FOXN3: variants seen among roughly 807,000 people sequenced by gnomAD.
The protein encoded by FOXN3 is forkhead box protein N3.
Under a neutral mutation model 38.4 loss-of-function variants are expected in FOXN3, and 7 were observed. The observed-to-expected ratio is 0.18, with a 90% CI of 0.10 to 0.34. The LOEUF (loss-of-function observed/expected upper bound fraction) is 0.34. Among genes scored for constraint, FOXN3 ranks in the 10% least tolerant of loss-of-function variants. The pLI is 1.00. For synonymous variants in FOXN3, 230 were observed against 242.2 expected, an observed-to-expected ratio of 0.95 and a Z score of 0.47; for missense variants, 456 against 613.4, an observed-to-expected ratio of 0.74 and a Z score of 2.71.
At position 89,535,472 on chromosome 14, in the gene FOXN3, T is replaced by C. The variant is rs188314143; in HGVS notation, c.-15+83556A>G. Among the ~76,000 whole-genome samples, 855 of 152,340 alleles carry C rather than the reference T, an allele frequency of 5.6e-3. 8 individuals carry two copies. Among genetic ancestry groups the C allele is most frequent in the Middle Eastern group, 0.014 (4 of 294 alleles). On this transcript the variant is annotated intron_variant, in intron 1 of 6. Coordinates refer to the FOXN3 transcript ENST00000345097. ...TCCTGAATCTTCAAGCAGTAATACT[T>C]AAAAGACACCCATTCATGGTTAGCA...
rs1277568732 is a variant in FOXN3 at position 89,399,437 on chromosome 14, C to T, written c.543+12497G>A. Among the ~76,000 whole-genome samples, 7 of 152,168 alleles carry T rather than the reference C, an allele frequency of 4.6e-5. 1 individual carries two copies. Among genetic ancestry groups the T allele is most frequent in the East Asian group, 3.9e-4 (2 of 5,188 alleles). On this transcript the variant is annotated intron_variant, in intron 2 of 5. Transcript: ENST00000557258. ...GAACAGAGGAGGCACTTCCAATGGC[C>T]GTGGACCTGAGATATGCTTTGTTGC...
intron 1 of FOXN3, among the ~76,000 whole-genome samples, chr14:89,509,130 G>A (rs775840023): frequency 2.6e-5 from 4 of 151,740 alleles, no homozygotes; most frequent in Admixed American, 6.6e-5. Flanking sequence ...TCTTGGAGTG[G>A]ACCAGGTCCC....
At chr14:89,452,858 A>G (rs1048318423) in intron 1 of FOXN3, among the ~76,000 whole-genome samples, 1 of 152,180 alleles carries the variant, frequency 6.6e-6, no homozygotes, top group Non-Finnish European at 1.5e-5. Context: ...AACCACCACA[A>G]CTTAAACTCC....
chr14:89,311,155 T>TA (rs199518180), intron 3 of FOXN3, among the ~76,000 whole-genome samples: 2,178 of 148,382 alleles, frequency 0.015, 57 homozygotes, highest in African/African-American at 0.051. Flanking sequence ...TTATATCTTT[T>TA]AAAAAAAAGA....
chr14:89,418,756 CCT>C (rs141061110), upstream of FOXN3, among the ~76,000 whole-genome samples: 22,087 of 152,074 alleles, frequency 0.15, 1,697 homozygotes, highest in South Asian at 0.28. Flanking sequence ...CAATGTGTAC[CCT>C]GCTTTCCTGT....
In FOXN3 at chr14:89,248,720, C is replaced by T. The variant is rs565967105; in HGVS notation, c.745+32230G>A. On this transcript the variant is annotated intron_variant, in intron 4 of 5. Transcript: ENST00000557258. ...ATAGGAATAAAATTAGAACTTCCTC[C>T]GCTATAGACATGATTTTGATTTGAA... is the stretch of plus-strand genomic sequence containing the variant. Among the ~76,000 whole-genome samples the T allele has an allele frequency of 1.0e-3, 157 of 152,282 alleles. 1 individual carries two copies. The highest frequency in any genetic ancestry group is 2.3e-3 in the African/African-American group (97 of 41,548).
chr14:89,461,846 C>A (rs948060802), intron 1 of FOXN3, among the ~76,000 whole-genome samples: 2 of 151,942 alleles, frequency 1.3e-5, no homozygotes, highest in African/African-American at 4.8e-5. Context: ...ACTTGAGGGC[C>A]AAAATGAAAG....
intron 1 of FOXN3, among the ~76,000 whole-genome samples, chr14:89,501,482 TA>T (rs1371839044): frequency 1.3e-5 from 2 of 152,090 alleles, no homozygotes; most frequent in Non-Finnish European, 2.9e-5. Flanking sequence ...TAGTCATAAG[TA>T]GCTCACAACC....
chr14:89,288,501 A>G (rs1477782967), intron 3 of FOXN3, among the ~76,000 whole-genome samples: 1 of 151,508 alleles, frequency 6.6e-6, no homozygotes, highest in African/African-American at 2.4e-5. Context: ...ACTTTATTTC[A>G]GAATAAGTTT....
intron 3 of FOXN3, among the ~76,000 whole-genome samples, chr14:89,348,053 T>A (rs889614239): frequency 1.3e-5 from 2 of 152,100 alleles, no homozygotes; most frequent in Non-Finnish European, 2.9e-5. Context: ...CTCTCAAATG[T>A]CTCGCTTTTC....
chr14:89,506,112 AGGTG>A (rs1566678945), intron 1 of FOXN3, among the ~76,000 whole-genome samples: 1 of 131,586 alleles, frequency 7.6e-6, no homozygotes, highest in Non-Finnish European at 1.6e-5. Flanking sequence ...CCCGTCCGGG[AGGTG>A]AGGGGCGCCT....
chr14:89,401,309 G>A (rs1891238108), intron 2 of FOXN3, among the ~76,000 whole-genome samples: 1 of 152,138 alleles, frequency 6.6e-6, no homozygotes, highest in South Asian at 2.1e-4. Flanking sequence ...GGGCATGGTG[G>A]CATGAGCCTG....
In FOXN3 at chr14:89,575,878, C is replaced by T. The variant is rs1050055433; in HGVS notation, c.-15+43150G>A. Among the ~76,000 whole-genome samples the T allele has an allele frequency of 7.2e-5, 11 of 152,362 alleles. No homozygotes were observed. The East Asian group carries it at 7.7e-4, about 11-fold the overall frequency. On this transcript the variant is annotated intron_variant, in intron 1 of 6. Transcript: ENST00000345097. ...CAACCGCCCTCCGGCCTCCACGCAG[C>T]GCCTGTGAAACTCTTCATTCAGCAG...
At chr14:89,195,312 C>G (rs1169561098) in intron 4 of FOXN3, among the ~76,000 whole-genome samples, 2 of 152,148 alleles carry the variant, frequency 1.3e-5, no homozygotes, top group Non-Finnish European at 2.9e-5. Context: ...GGGCTTACTC[C>G]CACTCTCTAC....
chr14:89,252,421 G>A (rs1159103446), intron 4 of FOXN3, among the ~76,000 whole-genome samples: 2 of 152,118 alleles, frequency 1.3e-5, no homozygotes, highest in Non-Finnish European at 2.9e-5. Flanking sequence ...TTGGGAGGCC[G>A]AGGAGGGCGG....
chr14:89,206,207 C>T (rs901626148), intron 4 of FOXN3, among the ~76,000 whole-genome samples: 1 of 152,154 alleles, frequency 6.6e-6, no homozygotes, highest in Non-Finnish European at 1.5e-5. Flanking sequence ...TAAAACGCCC[C>T]GTACATAAGC....
chr14:89,529,561 T>C (rs1249835505), intron 1 of FOXN3, among the ~76,000 whole-genome samples: 4 of 152,192 alleles, frequency 2.6e-5, no homozygotes, highest in Non-Finnish European at 4.4e-5. Flanking sequence ...ACTTTCCTCC[T>C]TTAAGGAAGC....
chr14:89,438,949 G>A (rs1371101621), intron 1 of FOXN3, among the ~76,000 whole-genome samples: 1 of 152,070 alleles, frequency 6.6e-6, no homozygotes, highest in African/African-American at 2.4e-5. Context: ...TAGTAGGACA[G>A]AGTTTCTCCA....
chr14:89,328,532 C>A (rs1888144514), intron 3 of FOXN3, among the ~76,000 whole-genome samples: 1 of 152,106 alleles, frequency 6.6e-6, no homozygotes, highest in South Asian at 2.1e-4. Context: ...TTCCCAACAG[C>A]AGCCCTGGAT....
Sources: allele counts gnomAD v4.1 joint callset (sites outside exome capture counted in the v4.1 genomes callset), GRCh38; gene constraint gnomAD v4.1.1; transcripts MANE v1.5; gene names NCBI Gene and HGNC (gene_info 2026-07-23, HGNC 2026-07-21).